Variants in RBMS2 observed in about 807,000 individuals in gnomAD.
RBMS2 encodes RNA binding motif single stranded interacting protein 2, also known as RNA-binding motif, single-stranded-interacting protein 2.
In RBMS2, 38 loss-of-function variants were observed where a neutral mutation model predicts 58.4. The ratio of observed to expected loss-of-function variants is 0.65; its 90% CI spans 0.50 to 0.85. The LOEUF (loss-of-function observed/expected upper bound fraction) is 0.85, where lower values mean the gene tolerates loss of function less well. RBMS2 is among the 40% of genes least tolerant of loss of function. RBMS2 has a pLI of 0.00. For missense variants in RBMS2, 367 were observed against 503.7 expected (o/e 0.73, Z 2.60); for synonymous variants, 151 against 180.7 (o/e 0.84, Z 1.32).
At chr12:56,574,685 TA>T (rs1882844438) in intron 5 of RBMS2, among the ~76,000 whole-genome samples, 1 of 152,228 alleles carries the variant, frequency 6.6e-6, no homozygotes, top group African/African-American at 2.4e-5. Flanking sequence ...TATATGTTTC[TA>T]TGTTAATGTC....
intron 5 of RBMS2, chr12:56,580,334 G>A: frequency 2.5e-6 from 1 of 403,732 alleles, no homozygotes; most frequent in Non-Finnish European, 4.9e-6. Flanking sequence ...CCAGGTTCAA[G>A]CGATTCTCTC....
intron 1 of RBMS2, among the ~76,000 whole-genome samples, chr12:56,538,193 C>T (rs1031526883): frequency 3.3e-5 from 5 of 151,726 alleles, no homozygotes; most frequent in African/African-American, 1.2e-4. Flanking sequence ...CCACCATGCC[C>T]AGCTAATTTT....
intron 10 of RBMS2, 80 bp from the exon 11 acceptor site, chr12:56,587,474 G>A: frequency 1.4e-6 from 2 of 1,442,430 alleles, no homozygotes; most frequent in Non-Finnish European, 1.9e-6. Context: ...GTCTCCAGTG[G>A]TCCTGACAGC....
chr12:56,540,034 AC>A (rs1432328357), intron 1 of RBMS2, among the ~76,000 whole-genome samples: 2 of 151,998 alleles, frequency 1.3e-5, no homozygotes, highest in Non-Finnish European at 2.9e-5. Flanking sequence ...CATCTTTCTG[AC>A]TAGTCTAATG....
intron 3 of RBMS2, 38 bp from the exon 4 acceptor site, chr12:56,569,861 C>A: frequency 1.3e-6 from 2 of 1,537,930 alleles, no homozygotes; most frequent in Middle Eastern, 3.4e-4. Flanking sequence ...GTTCCTTACA[C>A]CTCCCACTTC....
At chr12:56,562,918 C>T (rs1039636031) in intron 2 of RBMS2, among the ~76,000 whole-genome samples, 1 of 152,052 alleles carries the variant, frequency 6.6e-6, no homozygotes, top group Non-Finnish European at 1.5e-5. Flanking sequence ...GTCAGGAGAT[C>T]GAGACCATCC....
At chr12:56,542,642 C>T (rs543718559) in intron 1 of RBMS2, among the ~76,000 whole-genome samples, 1 of 149,782 alleles carries the variant, frequency 6.7e-6, no homozygotes, top group East Asian at 2.0e-4. Context: ...TCAACCTCCT[C>T]GGCTCAAGTG....
chr12:56,572,507 C>A (rs1882476263), intron 5 of RBMS2, among the ~76,000 whole-genome samples: 1 of 151,968 alleles, frequency 6.6e-6, no homozygotes, highest in African/African-American at 2.4e-5. Flanking sequence ...CCTACTACTT[C>A]CTAGGGAAGT....
chr12:56,572,586 CTGAG>C (rs1238394246), intron 5 of RBMS2, among the ~76,000 whole-genome samples: 1 of 152,164 alleles, frequency 6.6e-6, no homozygotes, highest in African/African-American at 2.4e-5. Flanking sequence ...TTATAGTTTA[CTGAG>C]TATTTCTCAT....
chr12:56,588,427 G>A lies in RBMS2; in HGVS notation c.1143+53G>A, dbSNP rs1227815313. On this transcript the variant is annotated intron_variant, in intron 12 of 13. Coordinates refer to ENST00000262031, the MANE Select transcript of RBMS2 (RefSeq NM_002898.4). ...GAGATTAGGAAAATGAACGGAGGCA[G>A]GTTTCCCCCTGATCAAGATCTTTCT... 3 of 1,478,122 alleles carry A rather than the reference G, an allele frequency of 2.0e-6. No individual in the cohort carries two copies. In the East Asian group the frequency reaches 6.8e-5, roughly 33 times the overall value. 91.6% of individuals were successfully genotyped at this position (1,478,122 alleles called of 1,614,324 possible).
chr12:56,531,795 C>G (rs558195863), intron 1 of RBMS2, among the ~76,000 whole-genome samples: 1 of 142,164 alleles, frequency 7.0e-6, no homozygotes, highest in Non-Finnish European at 1.5e-5. Flanking sequence ...CCAGCCCAGG[C>G]GACAGTGCGA....
intron 5 of RBMS2, among the ~76,000 whole-genome samples, chr12:56,579,551 G>A (rs910736550): frequency 2.0e-5 from 3 of 151,442 alleles, no homozygotes; most frequent in Non-Finnish European, 2.9e-5. Context: ...GGAGAATGGT[G>A]TGAACCCAGG....
rs57408592 is a variant in RBMS2, at chr12:56,552,922, C to CTT, written c.67-9472_67-9471dup. ...AGTTATTCTTTTAAAATTAAGAGTC[C>CTT]TTTTTTTTTTTTTTTTTTTTTTTTG... On this transcript the variant is annotated intron_variant, in intron 1 of 13. Transcript: ENST00000262031. Among the ~76,000 whole-genome samples, 153 of 62,012 alleles carry CTT rather than the reference C, an allele frequency of 2.5e-3. 1 individual carries two copies. Among genetic ancestry groups the CTT allele is most frequent in the African/African-American group, 7.8e-3 (132 of 16,942 alleles). The allele number at this position is 62,012 out of a possible 152,430, so 40.7% of individuals were successfully genotyped here.
chr12:56,522,205 TA>T, intron 1 of RBMS2, 116 bp downstream of exon 1: 1 of 788,800 alleles, frequency 1.3e-6, no homozygotes, highest in Middle Eastern at 2.5e-4. Context: ...TCAAGATTCC[TA>T]ATTCCTCACC....
At chr12:56,586,377 G>T (rs1403422604) in intron 9 of RBMS2, among the ~76,000 whole-genome samples, 1 of 151,612 alleles carries the variant, frequency 6.6e-6, no homozygotes, top group Non-Finnish European at 1.5e-5. Flanking sequence ...CTGTAGTCCC[G>T]CTACTGCACT....
At chr12:56,548,528 T>C (rs1177952043) in intron 1 of RBMS2, among the ~76,000 whole-genome samples, 1 of 152,172 alleles carries the variant, frequency 6.6e-6, no homozygotes, top group Non-Finnish European at 1.5e-5. Context: ...ATGGGGTCTG[T>C]TACTTCTCAG....
intron 1 of RBMS2, among the ~76,000 whole-genome samples, chr12:56,538,367 T>C (rs987375192): frequency 2.2e-4 from 33 of 151,390 alleles, no homozygotes; most frequent in African/African-American, 8.0e-4. Context: ...TTACATTGAA[T>C]CTGCAGATTA....
intron 1 of RBMS2, among the ~76,000 whole-genome samples, chr12:56,524,806 G>A (rs1192207808): frequency 6.6e-6 from 1 of 151,966 alleles, no homozygotes; most frequent in Non-Finnish European, 1.5e-5. Flanking sequence ...TGCAACCTCC[G>A]CCTCCTGGGT....
At chr12:56,568,568 G>A (rs892810805) in intron 2 of RBMS2, among the ~76,000 whole-genome samples, 1 of 144,060 alleles carries the variant, frequency 6.9e-6, no homozygotes, top group African/African-American at 2.6e-5. Context: ...ATGTAGTGTC[G>A]CTCTGTCATC....
Sources: allele counts gnomAD v4.1 joint callset (sites outside exome capture counted in the v4.1 genomes callset), GRCh38; gene constraint gnomAD v4.1.1; transcripts MANE v1.5; gene names NCBI Gene and HGNC (gene_info 2026-07-23, HGNC 2026-07-21).